The following ARHGEF28 variants were observed in gnomAD, a reference collection of about 807,000 sequenced individuals.
The protein encoded by ARHGEF28 is Rho guanine nucleotide exchange factor 28.
ARHGEF28 carries 152 observed loss-of-function variants against 206.6 expected under a neutral mutation model. The observed-to-expected ratio is 0.74, with a 90% CI of 0.64 to 0.84. The LOEUF is 0.84. ARHGEF28 is among the 40% of genes least tolerant of loss of function. The pLI, the probability that ARHGEF28 is intolerant of heterozygous loss-of-function variation, is 0.00. For missense variants in ARHGEF28, 2,028 were observed against 2,073.2 expected (o/e 0.98, Z 0.42); for synonymous variants, 763 against 776.4 (o/e 0.98, Z 0.29).
chr5:73,777,727 A>G (rs1747707553), intron 6 of ARHGEF28, among the ~76,000 whole-genome samples: 1 of 152,138 alleles, frequency 6.6e-6, no homozygotes, highest in African/African-American at 2.4e-5. Context: ...ACAGCATCAC[A>G]TCCAGTATAT....
rs371718288 is a variant in ARHGEF28, at chr5:73,773,828, A to G, written c.476-27A>G. 1.4e-5 allele frequency: 22 copies of G among 1,550,030 alleles called. 1 individual carries two copies. In the African/African-American group the frequency reaches 1.8e-4, roughly 12 times the overall value. ...ACAAACTTTGTAAATGGAGGAACTA[A>G]TATGGTATGTGTTTTTTCCTCTTCA... On this transcript the variant is annotated intron_variant, in intron 4 of 35. Coordinates refer to ENST00000513042, the MANE Select transcript of ARHGEF28 (RefSeq NM_001177693.2).
chr5:73,870,016 T>C, intron 20 of ARHGEF28, 53 bp from the exon 21 acceptor site: 1 of 1,583,110 alleles, frequency 6.3e-7, no homozygotes, highest in Non-Finnish European at 8.6e-7. Flanking sequence ...TACGAAGGTA[T>C]ATTTGTGCTG....
At chr5:73,913,663 C>G (rs1561190511) in intron 35 of ARHGEF28, among the ~76,000 whole-genome samples, 1 of 152,180 alleles carries the variant, frequency 6.6e-6, no homozygotes, top group Non-Finnish European at 1.5e-5. Flanking sequence ...TGTGCCAGAA[C>G]CAAGGACCAG....
intron 4 of ARHGEF28, among the ~76,000 whole-genome samples, chr5:73,770,214 A>G (rs978273071): frequency 6.6e-6 from 1 of 152,202 alleles, no homozygotes; most frequent in African/African-American, 2.4e-5. Context: ...GACAGGATTG[A>G]ATACTCTTAG....
Position 73,684,901 on chromosome 5 carries a change from G to A in ARHGEF28, c.33+17G>A, listed in dbSNP as rs367905348. On this transcript the variant is annotated intron_variant, in intron 2 of 35. Transcript: ENST00000513042. ...CCTCTTTACGTAAGTTGCTAAGCAC[G>A]GGGCTTCAGGTCCAAGGGGCCCTTT... The A allele has an allele frequency of 1.8e-5, 29 of 1,611,048 alleles. No individual in the cohort carries two copies. Among genetic ancestry groups the A allele is most frequent in the East Asian group, 1.3e-4 (6 of 44,814 alleles).
chr5:73,723,242 G>A (rs1470771276), intron 2 of ARHGEF28, among the ~76,000 whole-genome samples: 1 of 152,096 alleles, frequency 6.6e-6, no homozygotes, highest in Non-Finnish European at 1.5e-5. Flanking sequence ...AGGCTGGAGT[G>A]CAGTGGCACA....
intron 31 of ARHGEF28, chr5:73,901,588 G>T: frequency 5.8e-6 from 1 of 172,398 alleles, no homozygotes; most frequent in Non-Finnish European, 1.2e-5. Flanking sequence ...GCAAACCTTT[G>T]CTTCTCACCC....
At chr5:73,866,735 T>A (rs1268294911) in intron 18 of ARHGEF28, among the ~76,000 whole-genome samples, 1 of 152,206 alleles carries the variant, frequency 6.6e-6, no homozygotes, top group Admixed American at 6.5e-5. Context: ...TTACATTGCA[T>A]ACAAGAACCA....
At chr5:73,730,435 T>C (rs550285251) in intron 2 of ARHGEF28, among the ~76,000 whole-genome samples, 1 of 151,928 alleles carries the variant, frequency 6.6e-6, no homozygotes, top group Non-Finnish European at 1.5e-5. Flanking sequence ...TAGGCACCTT[T>C]AAGGCAAAAT....
At chr5:73,702,576 T>C (rs1748668679) in intron 2 of ARHGEF28, among the ~76,000 whole-genome samples, 1 of 152,216 alleles carries the variant, frequency 6.6e-6, no homozygotes, top group South Asian at 2.1e-4. Context: ...AATTGCTGGA[T>C]CATATGGTAA....
chr5:73,716,628 A>G (rs1320615236), intron 2 of ARHGEF28, among the ~76,000 whole-genome samples: 1 of 152,098 alleles, frequency 6.6e-6, no homozygotes, highest in Non-Finnish European at 1.5e-5. Flanking sequence ...TACACCACTT[A>G]TGTCACACCT....
chr5:73,933,467 A>G (rs1454305511), intron 35 of ARHGEF28, among the ~76,000 whole-genome samples: 1 of 152,232 alleles, frequency 6.6e-6, no homozygotes, highest in East Asian at 1.9e-4. Flanking sequence ...ATTAAAATTG[A>G]TCTAAACATA....
chr5:73,777,341 A>G (rs74367733), intron 6 of ARHGEF28, among the ~76,000 whole-genome samples: 1,963 of 152,220 alleles, frequency 0.013, 54 homozygotes, highest in African/African-American at 0.044. Flanking sequence ...TAAGGCTTGA[A>G]TAAGGCTTGA....
rs77529349 is a variant in ARHGEF28 at position 73,704,893 on chromosome 5, G to C, written c.33+20009G>C. Among the ~76,000 whole-genome samples, 1,206 of 152,286 alleles carry C rather than the reference G, an allele frequency of 7.9e-3. 15 individuals are homozygous for C. Among genetic ancestry groups the C allele is most frequent in the African/African-American group, 0.027 (1,127 of 41,560 alleles). On this transcript the variant is annotated intron_variant, in intron 2 of 35. Transcript: ENST00000513042. ...CTGAGCAGAAGTCCCATAATAGTCAGGGCACTTTGGCTCACTGGGATGTTA... is the reference window on the plus strand; with the variant it reads ...CTGAGCAGAAGTCCCATAATAGTCACGGCACTTTGGCTCACTGGGATGTTA...
intron 9 of ARHGEF28, among the ~76,000 whole-genome samples, chr5:73,801,959 T>A (rs1755159921): frequency 6.6e-6 from 1 of 152,206 alleles, no homozygotes; most frequent in Non-Finnish European, 1.5e-5. Context: ...CGGTCAGAGA[T>A]CCCTGAGGGA....
intron 23 of ARHGEF28, 58 bp downstream of exon 23, chr5:73,882,652 G>C: frequency 7.3e-7 from 1 of 1,367,550 alleles, no homozygotes; most frequent in Non-Finnish European, 9.7e-7. Context: ...AATAGTTTAT[G>C]CTTGTTTCTT....
chr5:73,740,007 A>G (rs1244424792), intron 2 of ARHGEF28, among the ~76,000 whole-genome samples: 1 of 67,564 alleles, frequency 1.5e-5, no homozygotes, highest in Non-Finnish European at 3.2e-5. Flanking sequence ...TGTCTCTACC[A>G]AAAAAAAAAA....
At position 73,849,024 on chromosome 5, in the gene ARHGEF28, C is replaced by G. The variant is rs759156448; in HGVS notation, c.1684C>G (p.Pro562Ala). The G allele has an allele frequency of 1.1e-5, 17 of 1,579,850 alleles. No homozygotes were observed. Among genetic ancestry groups the G allele is most frequent in the Non-Finnish European group, 1.5e-5 (17 of 1,160,790 alleles). Residue 562 changes from proline (P) to alanine (A), a missense_variant, in exon 13 of 36, where the codon CCC (proline) becomes GCC (alanine). By Grantham distance (27) the Pro-to-Ala change is conservative (BLOSUM62 -1). Transcript: ENST00000513042. ...CTCACGTTCTTATTCTTGCTCATCA[C>G]CCAAAATTTCTTTAGGAAAAACTCG... is the stretch of plus-strand genomic sequence containing the variant. ...VRSRSYSCSS[P>A]KISLGKTRLV...
chr5:73,803,172 T>C (rs1002767415), intron 9 of ARHGEF28: 12 of 153,630 alleles, frequency 7.8e-5, no homozygotes, highest in Admixed American at 4.6e-4. Flanking sequence ...AAATAATTGA[T>C]TTGGAATGAG....
Sources: allele counts gnomAD v4.1 joint callset (sites outside exome capture counted in the v4.1 genomes callset), GRCh38; gene constraint gnomAD v4.1.1; transcripts MANE v1.5; gene names NCBI Gene and HGNC (gene_info 2026-07-23, HGNC 2026-07-21).